The following NSG2 variants were observed in gnomAD, a reference collection of about 807,000 sequenced individuals.
The protein encoded by NSG2 is neuronal vesicle trafficking associated 2, also known as neuronal vesicle trafficking-associated protein 2.
Under a neutral mutation model 16.9 loss-of-function variants are expected in NSG2, and 4 were observed. The ratio of observed to expected loss-of-function variants is 0.24; its 90% CI spans 0.12 to 0.54. The LOEUF (loss-of-function observed/expected upper bound fraction) is 0.54, where lower values mean the gene tolerates loss of function less well. Among genes scored for constraint, NSG2 ranks in the 20% least tolerant of loss-of-function variants. NSG2 has a pLI of 0.95. For missense variants in NSG2, 179 were observed against 221.1 expected, an observed-to-expected ratio of 0.81 and a Z score of 1.21; for synonymous variants, 98 against 88.7, an observed-to-expected ratio of 1.11 and a Z score of -0.59.
At chr5:174,078,333 A>G (rs1223807808) in intron 3 of NSG2, among the ~76,000 whole-genome samples, 1 of 151,932 alleles carries the variant, frequency 6.6e-6, no homozygotes, top group Non-Finnish European at 1.5e-5. Context: ...TTCCTCATTC[A>G]TCTTTTCAAA....
intron 3 of NSG2, among the ~76,000 whole-genome samples, chr5:174,077,397 T>A (rs1561667593): frequency 1.3e-5 from 2 of 152,128 alleles, no homozygotes; most frequent in Admixed American, 6.5e-5. Context: ...GGGTAAAATC[T>A]GAACTCCTTC....
In NSG2 at chr5:174,108,864, T is replaced by C. The variant is rs1761025832; in HGVS notation, c.*1359T>C. 1 of 152,798 alleles carries C rather than the reference T, an allele frequency of 6.5e-6. No homozygotes were observed. Among genetic ancestry groups the C allele is most frequent in the Non-Finnish European group, 1.5e-5 (1 of 68,052 alleles). 9.5% of individuals were successfully genotyped at this position (152,798 alleles called of 1,614,324 possible). A position where few individuals can be genotyped will look rare whatever the true frequency, so the allele number is the denominator to read the frequency against. On this transcript the variant is annotated 3_prime_UTR_variant, in exon 5 of 5. Coordinates refer to ENST00000303177, the MANE Select transcript of NSG2 (RefSeq NM_015980.5). ...CTCCCACAGGCCATGTAAAGGGTAT[T>C]TTTTTGTGGCTTGCTGTGTTGCTGA...
chr5:174,079,371 C>T (rs1396145619), intron 3 of NSG2, among the ~76,000 whole-genome samples: 1 of 152,096 alleles, frequency 6.6e-6, no homozygotes, highest in East Asian at 1.9e-4. Context: ...GATTCTCCTG[C>T]CTCAGCTTCC....
At chr5:174,070,765 G>A (rs998401442) in intron 3 of NSG2, among the ~76,000 whole-genome samples, 4 of 152,124 alleles carry the variant, frequency 2.6e-5, no homozygotes, top group African/African-American at 9.7e-5. Context: ...GGGTCATGAG[G>A]CCTCCTTTCC....
chr5:174,084,002 T>G (rs972334297), intron 3 of NSG2: 6 of 152,198 alleles, frequency 3.9e-5, no homozygotes, highest in Admixed American at 6.5e-5. Flanking sequence ...CTATGAATAT[T>G]ATCGCCGACC....
At chr5:174,060,526 G>A (rs192379504) in intron 2 of NSG2, among the ~76,000 whole-genome samples, 155 of 152,262 alleles carry the variant, frequency 1.0e-3, no homozygotes, top group Non-Finnish European at 1.6e-3. Context: ...AGGTGGACTA[G>A]TTTTCAATTG....
At chr5:174,080,158 T>G (rs1409644260) in intron 3 of NSG2, among the ~76,000 whole-genome samples, 2 of 152,166 alleles carry the variant, frequency 1.3e-5, no homozygotes, top group African/African-American at 4.8e-5. Flanking sequence ...TTGAACTGAC[T>G]GTTTTTTGTT....
chr5:174,077,694 C>T (rs945047149), intron 3 of NSG2, among the ~76,000 whole-genome samples: 4 of 152,128 alleles, frequency 2.6e-5, no homozygotes, highest in Non-Finnish European at 5.9e-5. Context: ...ACTTTAATCA[C>T]TGGGCAGAAT....
At chr5:174,051,088 T>C (rs1317502987) in intron 2 of NSG2, among the ~76,000 whole-genome samples, 1 of 152,144 alleles carries the variant, frequency 6.6e-6, no homozygotes, top group Non-Finnish European at 1.5e-5. Context: ...GCAGCAGCGG[T>C]GCTCCATGGG....
At chr5:174,059,394 A>G (rs1417262894) in intron 2 of NSG2, among the ~76,000 whole-genome samples, 2 of 152,122 alleles carry the variant, frequency 1.3e-5, no homozygotes, top group Admixed American at 6.6e-5. Context: ...GCTGCTATGA[A>G]TGTTCTTGTA....
chr5:174,063,764 G>A (rs1029410588), intron 2 of NSG2, among the ~76,000 whole-genome samples: 2 of 151,954 alleles, frequency 1.3e-5, no homozygotes, highest in Admixed American at 6.6e-5. Flanking sequence ...AAAACTGGAG[G>A]CAACCTAAAC....
intron 3 of NSG2, among the ~76,000 whole-genome samples, chr5:174,090,791 G>A (rs747438089): frequency 2.6e-5 from 4 of 152,202 alleles, no homozygotes; most frequent in East Asian, 1.9e-4. Flanking sequence ...CAGAAATGCC[G>A]TCTTCCCCAA....
chr5:174,106,633 C>T (rs530248470), intron 4 of NSG2, among the ~76,000 whole-genome samples: 67 of 119,866 alleles, frequency 5.6e-4, no homozygotes, highest in Non-Finnish European at 8.5e-4. Flanking sequence ...CTCACTCTGT[C>T]GCCCACGCTG....
At chr5:174,088,107 A>C (rs909921178) in intron 3 of NSG2, among the ~76,000 whole-genome samples, 1 of 152,208 alleles carries the variant, frequency 6.6e-6, no homozygotes, top group Non-Finnish European at 1.5e-5. Flanking sequence ...TGATATATTG[A>C]CTTAGATGCC....
rs764814750 is a variant in NSG2, at chr5:174,046,914, C to T, written c.129+30C>T. On this transcript the variant is annotated intron_variant, in intron 2 of 4. Transcript: ENST00000303177. ...AGCATGTCCTCTTGCTCTCATCAGC[C>T]CCCAGGCTCCCCCCATCTCAGGAAA... The T allele has an allele frequency of 1.9e-6, 3 of 1,607,568 alleles. No homozygotes were observed. The South Asian group carries it at 3.3e-5, about 18-fold the overall frequency.
At chr5:174,088,289 A>T (rs950713450) in intron 3 of NSG2, among the ~76,000 whole-genome samples, 2 of 152,188 alleles carry the variant, frequency 1.3e-5, no homozygotes, top group Admixed American at 6.5e-5. Context: ...ACAGGTGGTA[A>T]TAGTGGGAGA....
intron 2 of NSG2, among the ~76,000 whole-genome samples, chr5:174,061,717 C>A (rs141159813): frequency 6.6e-6 from 1 of 152,232 alleles, no homozygotes; most frequent in South Asian, 2.1e-4. Flanking sequence ...GATTCTCCTG[C>A]CTCAGCCTCC....
intron 3 of NSG2, among the ~76,000 whole-genome samples, chr5:174,068,249 A>G (rs1374745998): frequency 6.6e-6 from 1 of 152,148 alleles, no homozygotes; most frequent in Non-Finnish European, 1.5e-5. Flanking sequence ...TGTAAGAGAG[A>G]AAAGAAGGGA....
intron 3 of NSG2, chr5:174,081,469 A>G (rs1449734395): frequency 6.6e-6 from 1 of 152,134 alleles, no homozygotes; most frequent in Admixed American, 6.5e-5. Flanking sequence ...CCATTCTTAC[A>G]TGTCCTCATT....
Sources: allele counts gnomAD v4.1 joint callset (sites outside exome capture counted in the v4.1 genomes callset), GRCh38; gene constraint gnomAD v4.1.1; transcripts MANE v1.5; gene names NCBI Gene and HGNC (gene_info 2026-07-23, HGNC 2026-07-21).